Variants in ZDHHC20 observed in about 807,000 individuals in gnomAD.
The protein encoded by ZDHHC20 is palmitoyltransferase ZDHHC20.
ZDHHC20 carries 43 observed loss-of-function variants against 57.8 expected under a neutral mutation model. The ratio of observed to expected loss-of-function variants is 0.74; its 90% confidence interval spans 0.58 to 0.96. The LOEUF is 0.96. ZDHHC20 is among the 40% of genes least tolerant of loss of function. ZDHHC20 has a pLI of 0.00. For missense variants in ZDHHC20, 391 were observed against 441.1 expected (o/e 0.89, Z 1.02); for synonymous variants, 157 against 153.0 (o/e 1.03, Z -0.19).
At chr13:21,458,665 A>T (rs4770160) in intron 1 of ZDHHC20, among the ~76,000 whole-genome samples, 128,138 of 151,870 alleles carry the variant, frequency 0.84, 54,512 homozygotes, top group East Asian at 1. Context: ...TTGGTTTTTT[A>T]AAAAAAATGA....
At chr13:21,452,785 T>C (rs1884574420) in intron 1 of ZDHHC20, among the ~76,000 whole-genome samples, 1 of 152,078 alleles carries the variant, frequency 6.6e-6, no homozygotes, top group Non-Finnish European at 1.5e-5. Flanking sequence ...TTATAAGCCC[T>C]AAAGCAATCA....
intron 9 of ZDHHC20, among the ~76,000 whole-genome samples, chr13:21,386,908 T>C (rs911246966): frequency 6.6e-6 from 1 of 152,174 alleles, no homozygotes; most frequent in African/African-American, 2.4e-5. Flanking sequence ...AAATAAGTCA[T>C]TTTCAGACCA....
chr13:21,412,967 C>CAAAAAAAAAAAAAAAAAAA (rs60707653), intron 4 of ZDHHC20, among the ~76,000 whole-genome samples: 1 of 67,100 alleles, frequency 1.5e-5, no homozygotes. Flanking sequence ...GACTCCGTCT[C>CAAAAAAAAAAAAAAAAAAA]AAAAAAAAAA....
chr13:21,393,550 C>T (rs1241597261), intron 7 of ZDHHC20, among the ~76,000 whole-genome samples: 1 of 150,168 alleles, frequency 6.7e-6, no homozygotes, highest in Non-Finnish European at 1.5e-5. Context: ...ACTAAAAATG[C>T]AAAAATTAGC....
At chr13:21,391,628 A>G in intron 8 of ZDHHC20, 94 bp downstream of exon 8, 2 of 1,333,256 alleles carry the variant, frequency 1.5e-6, no homozygotes. Flanking sequence ...ATTGTCTTAC[A>G]CTTCTGTATC....
chr13:21,434,874 T>C (rs1882384868), intron 1 of ZDHHC20, among the ~76,000 whole-genome samples: 1 of 152,164 alleles, frequency 6.6e-6, no homozygotes, highest in African/African-American at 2.4e-5. Context: ...TTGTCGCCAA[T>C]CCTTTGCCAC....
chr13:21,447,520 G>T (rs1883871286), intron 1 of ZDHHC20, among the ~76,000 whole-genome samples: 5 of 146,934 alleles, frequency 3.4e-5, no homozygotes, highest in African/African-American at 1.2e-4. Flanking sequence ...CTAACCGCGA[G>T]TGATCCGCCA....
intron 4 of ZDHHC20, among the ~76,000 whole-genome samples, chr13:21,408,309 G>A (rs1878736261): frequency 1.3e-5 from 2 of 152,160 alleles, no homozygotes; most frequent in Admixed American, 6.5e-5. Context: ...GCAGTGGTTT[G>A]TAGTTCTCCT....
At chr13:21,405,284 T>A (rs1593217662) in intron 4 of ZDHHC20, among the ~76,000 whole-genome samples, 3 of 152,224 alleles carry the variant, frequency 2.0e-5, no homozygotes, top group Admixed American at 2.0e-4. Context: ...AAATAAAATA[T>A]TCATTTAATA....
intron 1 of ZDHHC20, among the ~76,000 whole-genome samples, chr13:21,448,137 T>C (rs1244973060): frequency 7.1e-6 from 1 of 139,988 alleles, no homozygotes; most frequent in African/African-American, 2.6e-5. Flanking sequence ...AGCCACCCCA[T>C]CTGGGAGGTG....
At chr13:21,436,164 A>T (rs936963820) in intron 1 of ZDHHC20, among the ~76,000 whole-genome samples, 7 of 152,226 alleles carry the variant, frequency 4.6e-5, no homozygotes, top group Admixed American at 2.0e-4. Flanking sequence ...GGTCTAATAG[A>T]ATATTAATTA....
chr13:21,408,987 A>G (rs1478265708), intron 4 of ZDHHC20, among the ~76,000 whole-genome samples: 1 of 152,168 alleles, frequency 6.6e-6, no homozygotes, highest in Admixed American at 6.5e-5. Context: ...AAGCTTTTTA[A>G]TGTGCTGCTG....
intron 1 of ZDHHC20, among the ~76,000 whole-genome samples, chr13:21,426,046 C>T (rs1881206376): frequency 2.0e-5 from 3 of 152,152 alleles, no homozygotes; most frequent in Non-Finnish European, 4.4e-5. Context: ...GTGATGTACT[C>T]TTATCAACCT....
At chr13:21,427,165 T>C (rs1022721052) in intron 1 of ZDHHC20, among the ~76,000 whole-genome samples, 1 of 152,190 alleles carries the variant, frequency 6.6e-6, no homozygotes, top group African/African-American at 2.4e-5. Context: ...CTTTTTATTT[T>C]TTCAATTACT....
At chr13:21,410,647 T>C (rs1240996991) in intron 4 of ZDHHC20, among the ~76,000 whole-genome samples, 2 of 152,204 alleles carry the variant, frequency 1.3e-5, no homozygotes, top group African/African-American at 2.4e-5. Flanking sequence ...CCTGGCGGCT[T>C]TGTTTACACT....
intron 10 of ZDHHC20, among the ~76,000 whole-genome samples, chr13:21,382,519 T>C (rs1472900654): frequency 1.3e-5 from 2 of 152,342 alleles, no homozygotes; most frequent in Admixed American, 1.3e-4. Context: ...ATTTTGATAG[T>C]ATATTAAAAT....
chr13:21,421,399 AGAG>A (rs1217033542), intron 2 of ZDHHC20, among the ~76,000 whole-genome samples: 3 of 152,370 alleles, frequency 2.0e-5, no homozygotes, highest in Non-Finnish European at 2.9e-5. Context: ...ATGAGATTTA[AGAG>A]GAGATTTGAT....
At chr13:21,451,851 G>C (rs1315507152) in intron 1 of ZDHHC20, among the ~76,000 whole-genome samples, 2 of 151,878 alleles carry the variant, frequency 1.3e-5, no homozygotes, top group African/African-American at 4.8e-5. Context: ...AAAATTAGCA[G>C]GGCATGGCGG....
rs974906542 is a variant in ZDHHC20, at chr13:21,375,078, G to A, written c.*1618C>T. The A allele has an allele frequency of 4.2e-5, 19 of 454,050 alleles. No homozygotes were observed. The highest frequency in any genetic ancestry group is 8.4e-4 in the Middle Eastern group (2 of 2,390). The allele number at this position is 454,050 out of a possible 1,614,324, so 28.1% of individuals were successfully genotyped here. On this transcript the variant is annotated 3_prime_UTR_variant, in exon 13 of 13. Coordinates refer to ENST00000400590, the MANE Select transcript of ZDHHC20 (RefSeq NM_001330059.2). Reference sequence around the variant, plus strand: ...GAACCTGGAAGGCAGAGGTTGCAGCGAGCCAAGATCCCGCCACTGCACTCC... The same window carrying A: ...GAACCTGGAAGGCAGAGGTTGCAGCAAGCCAAGATCCCGCCACTGCACTCC...
Sources: allele counts gnomAD v4.1 joint callset (sites outside exome capture counted in the v4.1 genomes callset), GRCh38; gene constraint gnomAD v4.1.1; transcripts MANE v1.5; gene names NCBI Gene and HGNC (gene_info 2026-07-23, HGNC 2026-07-21).